The following MCF2L variants were observed in gnomAD, a reference collection of about 807,000 sequenced individuals.
The protein encoded by MCF2L is MCF.2 cell line derived transforming sequence like.
A neutral mutation model predicts 153.4 loss-of-function variants in MCF2L; 97 were observed. The ratio of observed to expected loss-of-function variants is 0.63; its 90% CI spans 0.54 to 0.75. MCF2L has a LOEUF of 0.75. Among genes scored for constraint, MCF2L ranks in the 30% least tolerant of loss-of-function variants. The pLI is 0.00. For synonymous variants in MCF2L, 659 were observed against 632.2 expected (o/e 1.04, Z -0.64); for missense variants, 1,347 against 1,495.2 (o/e 0.90, Z 1.64).
At chr13:112,897,488 G>C (rs2081078940) in intron 1 of MCF2L, among the ~76,000 whole-genome samples, 1 of 152,166 alleles carries the variant, frequency 6.6e-6, no homozygotes, top group Non-Finnish European at 1.5e-5. Context: ...GATGGCTCAA[G>C]CGGCCATTGG....
At chr13:113,065,520 C>T (rs9549653) in intron 7 of MCF2L, among the ~76,000 whole-genome samples, 26,261 of 152,258 alleles carry the variant, frequency 0.17, 2,963 homozygotes, top group East Asian at 0.45. Context: ...GATGAAGTGG[C>T]GGTTGGAATT....
At position 112,943,406 on chromosome 13, in the gene MCF2L, A is replaced by G. The variant is rs2081596903; in HGVS notation, c.169+41035A>G. On this transcript the variant is annotated intron_variant, in intron 2 of 29. Transcript: ENST00000375608. The surrounding 1 kb of genome is among the most constrained non-coding windows in gnomAD (Gnocchi z 4.2). ...CTCCCGGTCCCCGGCTCCGCGCCGCAGGCGTGAACGCCCAACGGAGGGCGC... is the reference window on the plus strand; with the variant it reads ...CTCCCGGTCCCCGGCTCCGCGCCGCGGGCGTGAACGCCCAACGGAGGGCGC... Among the ~76,000 whole-genome samples the G allele has an allele frequency of 1.5e-5, 2 of 132,924 alleles. No individual in the cohort carries two copies. Among genetic ancestry groups the G allele is most frequent in the Admixed American group, 1.5e-4 (2 of 13,194 alleles). The allele number at this position is 132,924 out of a possible 152,430, so 87.2% of individuals were successfully genotyped here.
intron 1 of MCF2L, among the ~76,000 whole-genome samples, chr13:112,971,542 A>G (rs1490250343): frequency 1.3e-5 from 2 of 152,094 alleles, no homozygotes; most frequent in Non-Finnish European, 2.9e-5. Flanking sequence ...TTCACCCCCA[A>G]CCCACAGGCA....
In MCF2L at chr13:113,060,556, C is replaced by A. The variant is rs748890296; in HGVS notation, c.370-37C>A. On this transcript the variant is annotated intron_variant, in intron 4 of 29. Coordinates refer to ENST00000535094, the MANE Select transcript of MCF2L (RefSeq NM_001112732.3). The stretch of plus-strand genomic sequence containing the variant: ...ACTAGGGGGGCTGCTGTCTGCAGAG[C>A]ACGCTGCAGGCCCTTGTCTCTCGCC... 1.5e-5 allele frequency: 24 copies of A among 1,606,848 alleles called. No homozygotes were observed. In the South Asian group the frequency reaches 2.6e-4, roughly 18 times the overall value.
intron 2 of MCF2L, among the ~76,000 whole-genome samples, chr13:112,944,848 TTTCTCTGCAAGCTCTG>T (rs2081620534): frequency 6.6e-6 from 1 of 152,138 alleles, no homozygotes; most frequent in Non-Finnish European, 1.5e-5. Flanking sequence ...TTGCCTGGGC[TTTCTCTGCAAGCTCTG>T]TGCAGAAGGG....
intron 1 of MCF2L, chr13:112,985,374 A>T: frequency 2.1e-6 from 1 of 470,602 alleles, no homozygotes; most frequent in Non-Finnish European, 4.4e-6. Context: ...CCGGCAGCTG[A>T]TCCTCGCCAT....
chr13:112,971,416 C>T (rs1436013039), intron 1 of MCF2L, among the ~76,000 whole-genome samples: 1 of 152,180 alleles, frequency 6.6e-6, no homozygotes, highest in Non-Finnish European at 1.5e-5. Context: ...GATGTGGCGG[C>T]TGGTGTAGGT....
intron 1 of MCF2L, among the ~76,000 whole-genome samples, chr13:112,977,583 G>A (rs1034859708): frequency 6.6e-6 from 1 of 152,198 alleles, no homozygotes; most frequent in Non-Finnish European, 1.5e-5. Flanking sequence ...TTAGGACATT[G>A]AATGATGAAC....
At chr13:113,026,207 GTC>G in intron 3 of MCF2L, among the ~76,000 whole-genome samples, 1 of 151,072 alleles carries the variant, frequency 6.6e-6, no homozygotes, top group East Asian at 1.9e-4. Context: ...TCGGGGCAGA[GTC>G]TCTGTGAGGT....
rs1038670129 is a variant in MCF2L at position 113,046,669 on chromosome 13, C to T, written c.369+1308C>T. Reference sequence around the variant, plus strand: ...TTGGTGCAAGCCTGTCCCTGAGCCGCTGGTTCTCATCGAAGTCTTTAGGAT... The same window carrying T: ...TTGGTGCAAGCCTGTCCCTGAGCCGTTGGTTCTCATCGAAGTCTTTAGGAT... On this transcript the variant is annotated intron_variant, in intron 4 of 29. Coordinates refer to ENST00000535094, the MANE Select transcript of MCF2L (RefSeq NM_001112732.3). The surrounding 1 kb of genome is among the most constrained non-coding windows in gnomAD (Gnocchi z 4.4). The T allele has an allele frequency of 3.8e-6, 2 of 533,004 alleles. No homozygotes were observed. Among genetic ancestry groups the T allele is most frequent in the African/African-American group, 1.9e-5 (1 of 51,920 alleles). The allele number at this position is 533,004 out of a possible 1,614,324, so 33.0% of individuals were successfully genotyped here. A position where few individuals can be genotyped will look rare whatever the true frequency, so the allele number is the denominator to read the frequency against.
chr13:112,914,738 T>C (rs572071952), intron 2 of MCF2L, among the ~76,000 whole-genome samples: 1 of 152,134 alleles, frequency 6.6e-6, no homozygotes, highest in African/African-American at 2.4e-5. Context: ...TATGTTTTTA[T>C]CTTTGTTTGC....
At chr13:113,091,642 G>A (rs1004205654) in intron 26 of MCF2L, among the ~76,000 whole-genome samples, 5 of 152,064 alleles carry the variant, frequency 3.3e-5, no homozygotes, top group South Asian at 2.1e-4. Context: ...CTCCTTTCCC[G>A]GGGCCAATGA....
intron 2 of MCF2L, among the ~76,000 whole-genome samples, chr13:112,927,996 TAAC>T (rs1566643637): frequency 6.6e-6 from 1 of 152,156 alleles, no homozygotes; most frequent in Non-Finnish European, 1.5e-5. Flanking sequence ...CAGAGAAAAA[TAAC>T]AGGAGAAACG....
At chr13:113,071,015 G>A (rs2032860413) in intron 9 of MCF2L, among the ~76,000 whole-genome samples, 1 of 152,198 alleles carries the variant, frequency 6.6e-6, no homozygotes, top group Non-Finnish European at 1.5e-5. Flanking sequence ...ACGGTTCTCA[G>A]TGTATGAGAG....
Position 113,076,041 on chromosome 13 carries a change from G to A in MCF2L, c.1384G>A (p.Ala462Thr), listed in dbSNP as rs2033438152. Residue 462 changes from alanine (A) to threonine (T), a missense_variant, in exon 12 of 30, where the codon GCG (alanine) becomes ACG (threonine). Physicochemically the swap from Ala to Thr is moderately conservative, Grantham distance 58. Coordinates refer to ENST00000535094, the MANE Select transcript of MCF2L (RefSeq NM_001112732.3). ...GGACAAGTGCCAGTCCCAGGACGGC[G>A]CGGAGGCTGCCCTCCAGGAAATCGA... is the stretch of plus-strand genomic sequence containing the variant. ...PVDKCQSQDG[A>T]EAALQEIEKF... 3.1e-6 allele frequency: 5 copies of A among 1,613,960 alleles called. No homozygotes were observed. The highest frequency in any genetic ancestry group is 4.2e-6 in the Non-Finnish European group (5 of 1,179,918).
At chr13:112,968,582 C>T, upstream of MCF2L, 1 of 1,540,858 alleles carries the variant, frequency 6.5e-7, no homozygotes, top group Non-Finnish European at 8.7e-7. Context: ...CAGCCACGGA[C>T]CCACGCATGG....
At chr13:113,049,919 C>T (rs935287038) in intron 4 of MCF2L, among the ~76,000 whole-genome samples, 3 of 152,108 alleles carry the variant, frequency 2.0e-5, no homozygotes, top group African/African-American at 2.4e-5. Flanking sequence ...TTGGAAGAGC[C>T]AAAATCCAGT....
chr13:113,001,748 CCGG>C, intron 1 of MCF2L: 3 of 1,362,586 alleles, frequency 2.2e-6, no homozygotes, highest in Non-Finnish European at 2.8e-6. Context: ...GGAGGAGCAG[CCGG>C]CTGGCTGCCC....
chr13:113,078,628 G>C (rs372003280), intron 14 of MCF2L, 38 bp from the exon 15 acceptor site: 1 of 1,587,058 alleles, frequency 6.3e-7, no homozygotes, highest in South Asian at 1.1e-5. Context: ...TTGAGGTTCC[G>C]TCCCGCCTTT....
Sources: allele counts gnomAD v4.1 joint callset (sites outside exome capture counted in the v4.1 genomes callset), GRCh38; gene constraint gnomAD v4.1.1; non-coding constraint Gnocchi (gnomAD v3.1); transcripts MANE v1.5; gene names NCBI Gene and HGNC (gene_info 2026-07-23, HGNC 2026-07-21).